STK3: variants seen among roughly 807,000 people sequenced by gnomAD.
The protein encoded by STK3 is serine/threonine-protein kinase 3.
In STK3, 41 loss-of-function variants were observed where a neutral mutation model predicts 58.0. The ratio of observed to expected loss-of-function variants is 0.71; its 90% CI spans 0.55 to 0.92. The LOEUF (loss-of-function observed/expected upper bound fraction) is 0.92. STK3 is among the 40% of genes least tolerant of loss of function. STK3 has a pLI of 0.00. For missense variants in STK3, 479 were observed against 602.7 expected (o/e 0.79, Z 2.15); for synonymous variants, 170 against 191.0 (o/e 0.89, Z 0.91).
At chr8:98,737,232 A>C (rs761889419) in intron 4 of STK3, among the ~76,000 whole-genome samples, 15 of 152,184 alleles carry the variant, frequency 9.9e-5, no homozygotes, top group Non-Finnish European at 2.1e-4. Context: ...TATAATAATA[A>C]GAAAAGTCAA....
At chr8:98,403,526 G>A (rs962109298) in intron 3 of STK3, among the ~76,000 whole-genome samples, 2 of 152,164 alleles carry the variant, frequency 1.3e-5, no homozygotes, top group African/African-American at 4.8e-5. Context: ...GAAAATACAT[G>A]TCCTGGAATT....
chr8:98,567,140 T>C (rs1193626859), intron 8 of STK3, among the ~76,000 whole-genome samples: 1 of 152,204 alleles, frequency 6.6e-6, no homozygotes, highest in Non-Finnish European at 1.5e-5. Context: ...GCTTGTACTT[T>C]CGTTCCATAA....
chr8:98,808,286 G>A (rs1834007708), intron 1 of STK3, among the ~76,000 whole-genome samples: 2 of 152,232 alleles, frequency 1.3e-5, no homozygotes, highest in African/African-American at 2.4e-5. Flanking sequence ...GAGGACTGGA[G>A]CTGTTTCTGA....
At chr8:98,557,753 T>C (rs984236620) in intron 8 of STK3, among the ~76,000 whole-genome samples, 4 of 152,134 alleles carry the variant, frequency 2.6e-5, no homozygotes, top group African/African-American at 9.6e-5. Flanking sequence ...GCTTAATAGC[T>C]TATACAGCTG....
At chr8:98,822,616 G>T (rs1834979870) in intron 1 of STK3, among the ~76,000 whole-genome samples, 1 of 152,200 alleles carries the variant, frequency 6.6e-6, no homozygotes, top group Admixed American at 6.5e-5. Context: ...GATGAGGTAG[G>T]CTTTGATGGA....
intron 1 of STK3, among the ~76,000 whole-genome samples, chr8:98,794,400 C>T (rs116535549): frequency 0.012 from 1,826 of 152,232 alleles, 40 homozygotes; most frequent in African/African-American, 0.042. Flanking sequence ...CTCCTATTTA[C>T]GCAAACTAGA....
At chr8:98,427,819 C>T (rs918437921) in intron 3 of STK3, 11 of 610,904 alleles carry the variant, frequency 1.8e-5, no homozygotes, top group Non-Finnish European at 2.9e-5. Context: ...CTTGCCCCAG[C>T]CCAGCCCTTC....
chr8:98,773,827 G>A (rs758595993), intron 2 of STK3, among the ~76,000 whole-genome samples: 10 of 150,778 alleles, frequency 6.6e-5, no homozygotes, highest in African/African-American at 1.9e-4. Flanking sequence ...ACGGAGCTTC[G>A]CTTGTGTTGT....
At position 98,595,420 on chromosome 8, in the gene STK3, G is replaced by A. The variant is rs182376471; in HGVS notation, c.822+612C>T. ...GTCACTTAACAATAGAAATCATTTA[G>A]CAAATATCAAGTTTTGTTAATGTGA... On this transcript the variant is annotated intron_variant, in intron 7 of 10. Transcript: ENST00000419617. 1.6e-3 allele frequency: 243 copies of A among 151,372 alleles called. 1 individual carries two copies. The highest frequency in any genetic ancestry group is 5.5e-3 in the African/African-American group (228 of 41,254). The allele number at this position is 151,372 out of a possible 1,614,324, so 9.4% of individuals were successfully genotyped here. A position where few individuals can be genotyped will look rare whatever the true frequency, so the allele number is the denominator to read the frequency against.
intron 8 of STK3, among the ~76,000 whole-genome samples, chr8:98,559,804 G>A (rs1811872272): frequency 6.6e-6 from 1 of 152,120 alleles, no homozygotes; most frequent in Admixed American, 6.6e-5. Context: ...CTCTGACTAT[G>A]CTATCAAGAA....
intron 8 of STK3, among the ~76,000 whole-genome samples, chr8:98,570,893 T>G (rs1226857275): frequency 1.3e-5 from 2 of 152,226 alleles, no homozygotes; most frequent in Non-Finnish European, 2.9e-5. Context: ...GGAACAGAAC[T>G]AGAATTCACA....
chr8:98,526,629 T>A (rs1825761680), intron 10 of STK3, 113 bp downstream of exon 10: 1 of 838,102 alleles, frequency 1.2e-6, no homozygotes, highest in Non-Finnish European at 1.6e-6. Flanking sequence ...TAACATATGG[T>A]CTATAATTGT....
chr8:98,400,031 C>T (rs919758455), downstream of STK3, among the ~76,000 whole-genome samples: 2 of 152,182 alleles, frequency 1.3e-5, no homozygotes, highest in Non-Finnish European at 2.9e-5. Flanking sequence ...GAAGCTGCTA[C>T]CCACGCATCA....
At chr8:98,419,382 T>C (rs1818147403) in intron 3 of STK3, among the ~76,000 whole-genome samples, 2 of 151,548 alleles carry the variant, frequency 1.3e-5, no homozygotes, top group South Asian at 4.2e-4. Flanking sequence ...GAGTCTGTGA[T>C]CTACCTAAAA....
chr8:98,867,231 C>CA (rs1016365522), intron 3 of STK3, among the ~76,000 whole-genome samples: 7 of 152,224 alleles, frequency 4.6e-5, no homozygotes, highest in Admixed American at 2.6e-4. Flanking sequence ...GCCTGGGCAA[C>CA]ATGGTGAAAC....
At chr8:98,713,599 G>C (rs1826731493) in intron 4 of STK3, among the ~76,000 whole-genome samples, 1 of 152,122 alleles carries the variant, frequency 6.6e-6, no homozygotes, top group Non-Finnish European at 1.5e-5. Flanking sequence ...TCTCTGAATA[G>C]AACAATAACA....
chr8:98,455,440 A>G lies in STK3; in HGVS notation c.*402T>C, dbSNP rs1819422101. The G allele has an allele frequency of 6.3e-6, 1 of 157,642 alleles. No homozygotes were observed. The highest frequency in any genetic ancestry group is 2.4e-5 in the African/African-American group (1 of 41,426). 9.8% of individuals were successfully genotyped at this position (157,642 alleles called of 1,614,324 possible). On this transcript the variant is annotated 3_prime_UTR_variant, in exon 11 of 11. Transcript: ENST00000419617. ...ACAAAGCAAAATAGCATAAATAAATAAGTTTACCTAAGGGGATACAATAAA... is the reference window on the plus strand; with the variant it reads ...ACAAAGCAAAATAGCATAAATAAATGAGTTTACCTAAGGGGATACAATAAA...
chr8:98,922,157 T>C (rs1839590762), intron 1 of STK3, among the ~76,000 whole-genome samples: 1 of 152,046 alleles, frequency 6.6e-6, no homozygotes, highest in African/African-American at 2.4e-5. Flanking sequence ...AGAAAAAAAC[T>C]CAAATAAAAT....
chr8:98,538,917 T>C (rs1810002173), intron 9 of STK3, among the ~76,000 whole-genome samples: 1 of 152,166 alleles, frequency 6.6e-6, no homozygotes, highest in Admixed American at 6.5e-5. Context: ...CCTCGTACTT[T>C]TGTAAAGGAA....
Sources: allele counts gnomAD v4.1 joint callset (sites outside exome capture counted in the v4.1 genomes callset), GRCh38; gene constraint gnomAD v4.1.1; transcripts MANE v1.5; gene names NCBI Gene and HGNC (gene_info 2026-07-23, HGNC 2026-07-21).